The following GALNT13 variants were observed in gnomAD, a reference collection of about 807,000 sequenced individuals.
GALNT13 encodes the protein UDP-GalNAc:polypeptide N-acetylgalactosaminyltransferase 13.
Under a neutral mutation model 64.2 loss-of-function variants are expected in GALNT13, and 28 were observed. The ratio of observed to expected loss-of-function variants is 0.44; its 90% confidence interval spans 0.32 to 0.60. GALNT13 has a LOEUF of 0.60. Ranked by LOEUF, GALNT13 falls within the 20% of genes least tolerant of loss-of-function variation. The pLI is 0.05. For missense variants in GALNT13, 577 were observed against 669.8 expected (o/e 0.86, Z 1.53); for synonymous variants, 214 against 224.6 (o/e 0.95, Z 0.42).
chr2:154,089,221 C>G (rs886729290), intron 3 of GALNT13, among the ~76,000 whole-genome samples: 13 of 152,046 alleles, frequency 8.6e-5, no homozygotes, highest in African/African-American at 2.7e-4. Flanking sequence ...GGGCAAAATT[C>G]CTGTGTCTCC....
the GALNT13 span, among the ~76,000 whole-genome samples, chr2:153,549,900 T>C: frequency 2.6e-5 from 4 of 152,328 alleles, no homozygotes; most frequent in African/African-American, 9.6e-5. Context: ...TATATCCTCC[T>C]TTTCATTTCC....
chr2:153,502,073 T>A, the GALNT13 span, among the ~76,000 whole-genome samples: 1 of 152,186 alleles, frequency 6.6e-6, no homozygotes, highest in South Asian at 2.1e-4. Context: ...GTGAGGCATT[T>A]TATTTATTTA....
At chr2:154,408,956 T>TC (rs566951159) in intron 10 of GALNT13, 28 bp from the exon 11 acceptor site, 390 of 1,348,050 alleles carry the variant, frequency 2.9e-4, no homozygotes, top group African/African-American at 5.6e-4. Flanking sequence ...TTATGTTTTA[T>TC]CCCCCCCCTT....
At chr2:153,468,526 C>T in the GALNT13 span, among the ~76,000 whole-genome samples, 8 of 152,164 alleles carry the variant, frequency 5.3e-5, no homozygotes, top group African/African-American at 1.7e-4. Flanking sequence ...TCTTTCATCA[C>T]ATTCTCCTTT....
At chr2:153,369,963 T>A in the GALNT13 span, among the ~76,000 whole-genome samples, 145 of 152,296 alleles carry the variant, frequency 9.5e-4, no homozygotes, top group Non-Finnish European at 7.5e-4. Context: ...CATGGGTTCC[T>A]GACTGTAACA....
the GALNT13 span, among the ~76,000 whole-genome samples, chr2:153,212,462 A>G: frequency 6.6e-6 from 1 of 152,230 alleles, no homozygotes; most frequent in African/African-American, 2.4e-5. Context: ...CTTGAAGATC[A>G]CAGCCTTCTA....
the GALNT13 span, among the ~76,000 whole-genome samples, chr2:153,109,273 C>T: frequency 6.6e-6 from 1 of 152,150 alleles, no homozygotes; most frequent in Non-Finnish European, 1.5e-5. Flanking sequence ...AAACAAGTCT[C>T]TCTGACTCTC....
the GALNT13 span, among the ~76,000 whole-genome samples, chr2:153,650,153 T>A: frequency 2.0e-5 from 3 of 152,330 alleles, no homozygotes; most frequent in African/African-American, 7.2e-5. Flanking sequence ...TGCTTCTGTA[T>A]TGGGTGAATA....
the GALNT13 span, among the ~76,000 whole-genome samples, chr2:153,244,683 C>A: frequency 1.3e-5 from 2 of 152,226 alleles, no homozygotes; most frequent in East Asian, 3.8e-4. Flanking sequence ...AATACCTTTG[C>A]AGCTAGCTTG....
the GALNT13 span, among the ~76,000 whole-genome samples, chr2:153,792,428 A>T: frequency 0.017 from 2,518 of 152,258 alleles, 70 homozygotes; most frequent in East Asian, 0.13. Flanking sequence ...TGCAAATACT[A>T]CATGATTTTA....
the GALNT13 span, among the ~76,000 whole-genome samples, chr2:153,216,382 A>G: frequency 6.6e-6 from 1 of 152,034 alleles, no homozygotes; most frequent in Non-Finnish European, 1.5e-5. Flanking sequence ...CAAGCCACCA[A>G]ACAGTCTCCC....
chr2:153,565,688 A>C, the GALNT13 span, among the ~76,000 whole-genome samples: 1 of 152,282 alleles, frequency 6.6e-6, no homozygotes, highest in African/African-American at 2.4e-5. Flanking sequence ...AATTTCCCTT[A>C]AAGTCACAGT....
chr2:153,595,886 A>G, the GALNT13 span, among the ~76,000 whole-genome samples: 95 of 152,352 alleles, frequency 6.2e-4, no homozygotes, highest in Admixed American at 1.4e-3. Flanking sequence ...ATATTTAGAC[A>G]TGCAACTAAA....
intron 4 of GALNT13, among the ~76,000 whole-genome samples, chr2:154,183,368 A>C (rs772229103): frequency 1.2e-4 from 18 of 152,074 alleles, no homozygotes; most frequent in Non-Finnish European, 2.6e-4. Context: ...TCTTTCATTT[A>C]TAATTGTATT....
chr2:153,208,279 A>G, the GALNT13 span: 3 of 152,116 alleles, frequency 2.0e-5, no homozygotes, highest in Non-Finnish European at 4.4e-5. Flanking sequence ...AAGTTTTCCC[A>G]TTTCCCTTTA....
At chr2:153,874,437 A>C (rs1686216263) in intron 1 of GALNT13, among the ~76,000 whole-genome samples, 1 of 151,952 alleles carries the variant, frequency 6.6e-6, no homozygotes, top group South Asian at 2.1e-4. Flanking sequence ...TGTGTCTCGG[A>C]TCCGCTTTGG....
chr2:153,690,316 G>A, the GALNT13 span, among the ~76,000 whole-genome samples: 2 of 152,054 alleles, frequency 1.3e-5, no homozygotes, highest in Admixed American at 6.6e-5. Flanking sequence ...AATTCGTAGA[G>A]GATTTGATGA....
At chr2:153,280,156 G>T in the GALNT13 span, among the ~76,000 whole-genome samples, 1 of 152,054 alleles carries the variant, frequency 6.6e-6, no homozygotes, top group African/African-American at 2.4e-5. Flanking sequence ...TGTGTGCATA[G>T]GTATGTACAT....
chr2:153,360,343 G>C, the GALNT13 span, among the ~76,000 whole-genome samples: 23 of 152,310 alleles, frequency 1.5e-4, no homozygotes, highest in Admixed American at 9.1e-4. Flanking sequence ...CCAAACCACA[G>C]AGCCACGCAG....
Sources: allele counts gnomAD v4.1 joint callset (sites outside exome capture counted in the v4.1 genomes callset), GRCh38; gene constraint gnomAD v4.1.1; transcripts MANE v1.5; gene names NCBI Gene and HGNC (gene_info 2026-07-23, HGNC 2026-07-21).